Variants in B4GALNT4 observed in about 807,000 individuals in gnomAD.
The protein encoded by B4GALNT4 is N-acetyl-beta-glucosaminyl-glycoprotein 4-beta-N-acetylgalactosaminyltransferase 1.
B4GALNT4 carries 77 observed loss-of-function variants against 110.0 expected under a neutral mutation model. The observed-to-expected ratio is 0.70, with a 90% CI of 0.58 to 0.85. The LOEUF is 0.85. Among genes scored for constraint, B4GALNT4 ranks in the 40% least tolerant of loss-of-function variants. The probability of loss-of-function intolerance (pLI) is 0.00; values close to 1 mark genes in which losing one functional copy is unlikely to be tolerated. For missense variants in B4GALNT4, 1,575 were observed against 1,506.0 expected, an observed-to-expected ratio of 1.05 and a Z score of -0.76; for synonymous variants, 785 against 655.5, an observed-to-expected ratio of 1.20 and a Z score of -3.02.
intron 11 of B4GALNT4, 58 bp downstream of exon 11, chr11:376,014 C>A (rs1049451665): frequency 2.2e-5 from 36 of 1,603,856 alleles, no homozygotes; most frequent in Non-Finnish European, 2.8e-5. Context: ...CTTCTCCAGC[C>A]CCTTGGGAGG....
rs1043599799 is a variant in B4GALNT4, at chr11:369,972, CGGG to C, written c.151+22_151+24del. On this transcript the variant is annotated intron_variant, in intron 1 of 19. Coordinates refer to ENST00000329962, the MANE Select transcript of B4GALNT4 (RefSeq NM_178537.5). ...CGGGCGAGGTACGGCGCGGGGGGCG[CGGG>C]GGGCGCGGGGGGCGGGGGCGGCGCG... 13 of 141,042 alleles carry C rather than the reference CGGG, an allele frequency of 9.2e-5. No homozygotes were observed. Among genetic ancestry groups the C allele is most frequent in the African/African-American group, 3.9e-4 (5 of 12,782 alleles). 8.7% of individuals were successfully genotyped at this position (141,042 alleles called of 1,614,324 possible). A position where few individuals can be genotyped will look rare whatever the true frequency, so the allele number is the denominator to read the frequency against.
chr11:381,825 T>C lies in B4GALNT4; in HGVS notation c.*33T>C, dbSNP rs1846883225. On this transcript the variant is annotated 3_prime_UTR_variant, in exon 20 of 20. Coordinates refer to ENST00000329962, the MANE Select transcript of B4GALNT4 (RefSeq NM_178537.5). ...CAGCCCCTCCCAGCCCCGGTGGGAG[T>C]CCCGAGGCAGCTGCTGGGGGCTGGG... 1.3e-6 allele frequency: 2 copies of C among 1,542,190 alleles called. No homozygotes were observed. The highest frequency in any genetic ancestry group is 2.5e-5 in the East Asian group (1 of 39,664).
At chr11:378,053 C>T (rs1401829768) in intron 14 of B4GALNT4, among the ~76,000 whole-genome samples, 1 of 151,894 alleles carries the variant, frequency 6.6e-6, no homozygotes, top group East Asian at 1.9e-4. Flanking sequence ...GACTGTTTCT[C>T]CTGTGCGTGA....
At chr11:381,634 C>T (rs748070486) in intron 19 of B4GALNT4, 35 bp from the exon 20 acceptor site, 21 of 1,548,550 alleles carry the variant, frequency 1.4e-5, no homozygotes, top group Admixed American at 6.1e-5. Context: ...TCCCCAACCC[C>T]GGGGTCCTGA....
At chr11:376,374 G>T in intron 13 of B4GALNT4, 23 bp downstream of exon 13, 2 of 1,604,338 alleles carry the variant, frequency 1.2e-6, no homozygotes, top group Non-Finnish European at 1.7e-6. Flanking sequence ...AGCGCCCCTG[G>T]CCCGCACCCA....
In B4GALNT4 at chr11:380,399, C is replaced by T; in HGVS notation, c.2823C>T (p.Pro941=). 2 of 1,612,426 alleles carry T rather than the reference C, an allele frequency of 1.2e-6. No individual in the cohort carries two copies. The highest frequency in any genetic ancestry group is 4.5e-5 in the East Asian group (2 of 44,790). Residue 941 remains proline, a synonymous_variant, in exon 18 of 20, where the codon CCC becomes CCT. Coordinates refer to ENST00000329962, the MANE Select transcript of B4GALNT4 (RefSeq NM_178537.5). Reference sequence around the variant, plus strand: ...TGGAGGGCAGGCTGGCCTTCGCGCCCGTGGTCATGCGCCTGAGCTGCGGGA... The same window carrying T: ...TGGAGGGCAGGCTGGCCTTCGCGCCTGTGGTCATGCGCCTGAGCTGCGGGA... ...HCVEGRLAFA[P]VVMRLSCGSS...
At chr11:373,403 A>ACTGGGGGGGGGGGGGGGGGGGG in intron 6 of B4GALNT4, 46 bp from the exon 7 acceptor site, 1 of 1,259,488 alleles carries the variant, frequency 7.9e-7, no homozygotes, top group Non-Finnish European at 1.1e-6. Flanking sequence ...CCAGGGAGAG[A>ACTGGGGGGGGGGGGGGGGGGGG]GTGAACCCCC....
At chr11:370,011 G>GC (rs1386321621) in intron 1 of B4GALNT4, 57 bp downstream of exon 1, 4 of 157,684 alleles carry the variant, frequency 2.5e-5, no homozygotes, top group African/African-American at 1.2e-4. Flanking sequence ...GGGGGCGCGG[G>GC]GGGCGCGGGC....
rs1236979805 is a variant in B4GALNT4 at position 380,922 on chromosome 11, G to C, written c.2967G>C (p.Trp989Cys). Residue 989 changes from tryptophan (W) to cysteine (C), a missense_variant, in exon 19 of 20, where the codon TGG (tryptophan) becomes TGC (cysteine). By Grantham distance (215) the Trp-to-Cys change is radical. Coordinates refer to ENST00000329962, the MANE Select transcript of B4GALNT4 (RefSeq NM_178537.5). ...GMNTEEFRDQ[W>C]GGEDWELLDR... The stretch of plus-strand genomic sequence containing the variant: ...ACACGGAGGAGTTCCGAGACCAGTG[G>C]GGGGGTGAAGACTGGGAGCTCCTGG... 9 of 1,613,420 alleles carry C rather than the reference G, an allele frequency of 5.6e-6. No individual in the cohort carries two copies. Among genetic ancestry groups the C allele is most frequent in the South Asian group, 1.1e-5 (1 of 91,022 alleles).
intron 1 of B4GALNT4, among the ~76,000 whole-genome samples, chr11:371,660 G>A (rs1457907012): frequency 6.6e-6 from 1 of 152,216 alleles, no homozygotes; most frequent in Non-Finnish European, 1.5e-5. Flanking sequence ...CACTAACCCT[G>A]AGTTCTCAGT....
rs1312225122 is a variant in B4GALNT4 at position 380,170 on chromosome 11, G to T, written c.2683G>T (p.Ala895Ser). The change falls in exon 17 of 20, where the codon GCC (alanine) becomes TCC (serine). Residue 895 changes from alanine (A) to serine (S), a missense_variant. Ala to Ser is a moderately conservative substitution (Grantham distance 99). Coordinates refer to ENST00000329962, the MANE Select transcript of B4GALNT4 (RefSeq NM_178537.5). ...ACGAACCGGGAACTTCGAGCGCTCCGCCGGGCTGCAGGCGGGAGTGGACGC... is the reference window on the plus strand; with the variant it reads ...ACGAACCGGGAACTTCGAGCGCTCCTCCGGGCTGCAGGCGGGAGTGGACGC... The part of the protein sequence containing the change: ...LRRTGNFERS[A>S]GLQAGVDAVE... 3 of 1,603,862 alleles carry T rather than the reference G, an allele frequency of 1.9e-6. No individual in the cohort carries two copies. Among genetic ancestry groups the T allele is most frequent in the Non-Finnish European group, 2.6e-6 (3 of 1,173,008 alleles).
chr11:373,712 C>A (rs370823146), intron 7 of B4GALNT4, 38 bp from the exon 8 acceptor site: 1 of 1,604,494 alleles, frequency 6.2e-7, no homozygotes. Context: ...ATTTGAGCGT[C>A]CTGTGCATGG....
chr11:373,941 C>T, intron 8 of B4GALNT4, 113 bp downstream of exon 8: 3 of 1,100,966 alleles, frequency 2.7e-6, no homozygotes, highest in Non-Finnish European at 4.0e-6. Context: ...TGGTCAGGGC[C>T]ATGGGCCTGA....
Position 369,762 on chromosome 11 carries a change from C to A in B4GALNT4, c.-42C>A. On this transcript the variant is annotated 5_prime_UTR_variant, in exon 1 of 20. Coordinates refer to ENST00000329962, the MANE Select transcript of B4GALNT4 (RefSeq NM_178537.5). ...GGCGGGCGGGGGCCGGGGGCTGCAG[C>A]GGCGCCGCTGAGCGCGGCCTGGGGC... 1.1e-6 allele frequency: 1 copy of A among 945,458 alleles called. No homozygotes were observed. Among genetic ancestry groups the A allele is most frequent in the South Asian group, 4.7e-5 (1 of 21,336 alleles). 58.6% of individuals were successfully genotyped at this position (945,458 alleles called of 1,614,324 possible). A position where few individuals can be genotyped will look rare whatever the true frequency, so the allele number is the denominator to read the frequency against.
intron 8 of B4GALNT4, among the ~76,000 whole-genome samples, chr11:374,521 G>T (rs557867078): frequency 7.1e-6 from 1 of 141,450 alleles, no homozygotes; most frequent in African/African-American, 2.7e-5. Context: ...GTCTGTGGAG[G>T]CCCCAGGATG....
Position 379,427 on chromosome 11 carries a change from G to C in B4GALNT4, c.2214G>C (p.Ala738=). ...CCGCTGAGCCTTGCAGGCGCTTCGC[G>C]CTTCTGCGCATCGTGAACGTGGAGA... ...RLNARHGGRF[A]LLRIVNVEKR... The change falls in exon 15 of 20, where the codon GCG becomes GCC. Residue 738 remains alanine, a synonymous_variant. Transcript: ENST00000329962. The C allele has an allele frequency of 6.6e-7, 1 of 1,521,878 alleles. No individual in the cohort carries two copies. Among genetic ancestry groups the C allele is most frequent in the Middle Eastern group, 2.3e-4 (1 of 4,316 alleles). The allele number at this position is 1,521,878 out of a possible 1,614,324, so 94.3% of individuals were successfully genotyped here.
chr11:373,419 C>G (rs114282733), intron 6 of B4GALNT4, 30 bp from the exon 7 acceptor site: 16 of 1,080,026 alleles, frequency 1.5e-5, no homozygotes, highest in Non-Finnish European at 2.0e-5. Flanking sequence ...CCCCCCCCCC[C>G]ACCACCACCC....
chr11:373,140 G>C (rs1846650628), intron 5 of B4GALNT4, 24 bp downstream of exon 5: 1 of 1,612,448 alleles, frequency 6.2e-7, no homozygotes, highest in East Asian at 2.2e-5. Context: ...GGTGCCCCGG[G>C]GGAGGGGTGC....
chr11:371,810 G>A (rs1457611140), intron 1 of B4GALNT4, among the ~76,000 whole-genome samples: 2 of 152,224 alleles, frequency 1.3e-5, no homozygotes, highest in Admixed American at 6.5e-5. Context: ...GCCTACACAC[G>A]CCAGCTGGCC....
Sources: allele counts gnomAD v4.1 joint callset (sites outside exome capture counted in the v4.1 genomes callset), GRCh38; gene constraint gnomAD v4.1.1; transcripts MANE v1.5; gene names NCBI Gene and HGNC (gene_info 2026-07-23, HGNC 2026-07-21).